The following SEC14L1 variants were observed in gnomAD, a reference collection of about 807,000 sequenced individuals.
SEC14L1 encodes SEC14 like lipid binding 1, also known as SEC14-like protein 1.
Under a neutral mutation model 85.3 loss-of-function variants are expected in SEC14L1, and 48 were observed. The ratio of observed to expected loss-of-function variants is 0.56; its 90% confidence interval spans 0.45 to 0.72. SEC14L1 has a LOEUF of 0.72. Among genes scored for constraint, SEC14L1 ranks in the 30% least tolerant of loss-of-function variants. SEC14L1 has a pLI of 0.00. For synonymous variants in SEC14L1, 391 were observed against 355.5 expected (o/e 1.10, Z -1.12); for missense variants, 682 against 921.4 (o/e 0.74, Z 3.36).
intron 3 of SEC14L1, among the ~76,000 whole-genome samples, chr17:77,150,224 T>C (rs1567895315): frequency 6.6e-6 from 1 of 152,186 alleles, no homozygotes; most frequent in South Asian, 2.1e-4. Context: ...AGAAAGAGAT[T>C]TGCTTTGAGG....
chr17:77,114,009 G>A (rs1298411480), intron 3 of SEC14L1, among the ~76,000 whole-genome samples: 2 of 152,184 alleles, frequency 1.3e-5, no homozygotes, highest in Non-Finnish European at 2.9e-5. Context: ...TGCTCCCCAG[G>A]CACAGCCTTC....
chr17:77,215,671 G>A lies in SEC14L1; in HGVS notation c.*1648G>A. ...ACATTTGTGTTTGCTCTTAGAGATC[G>A]AGCTCCTCAGTGGTACCTGAAGCCT... On this transcript the variant is annotated 3_prime_UTR_variant, in exon 17 of 17. Transcript: ENST00000436233. 1 of 992,094 alleles carries A rather than the reference G, an allele frequency of 1.0e-6. No individual in the cohort carries two copies. The highest frequency in any genetic ancestry group is 1.2e-6 in the Non-Finnish European group (1 of 833,136). The allele number at this position is 992,094 out of a possible 1,614,324, so 61.5% of individuals were successfully genotyped here.
At chr17:77,154,115 A>G (rs577763997) in intron 3 of SEC14L1, among the ~76,000 whole-genome samples, 1 of 152,238 alleles carries the variant, frequency 6.6e-6, no homozygotes, top group African/African-American at 2.4e-5. Flanking sequence ...AACGCATGCA[A>G]CAACTATTTA....
chr17:77,151,401 A>G (rs1973548778), intron 3 of SEC14L1, among the ~76,000 whole-genome samples: 1 of 152,176 alleles, frequency 6.6e-6, no homozygotes, highest in Non-Finnish European at 1.5e-5. Flanking sequence ...CTTTGTACAG[A>G]GCCAGACCTT....
In SEC14L1 at chr17:77,206,447, A is replaced by G; in HGVS notation, c.1341+47A>G. 6.3e-7 allele frequency: 1 copy of G among 1,586,960 alleles called. No individual in the cohort carries two copies. Among genetic ancestry groups the G allele is most frequent in the Non-Finnish European group, 8.6e-7 (1 of 1,160,064 alleles). ...AGTAACTGTGAGCCATTTGGAAAGC[A>G]GATAACATGCATTCATATACACGTG... is the stretch of plus-strand genomic sequence containing the variant. On this transcript the variant is annotated intron_variant, in intron 12 of 16. Transcript: ENST00000436233. The surrounding 1 kb of genome is among the most constrained non-coding windows in gnomAD (Gnocchi z 4.3).
At chr17:77,172,581 C>T (rs966334617) in intron 3 of SEC14L1, among the ~76,000 whole-genome samples, 1 of 152,182 alleles carries the variant, frequency 6.6e-6, no homozygotes, top group South Asian at 2.1e-4. Context: ...GAGCGTCTCT[C>T]AAAAGCTGCT....
At chr17:77,120,904 T>C (rs1008853270) in intron 3 of SEC14L1, among the ~76,000 whole-genome samples, 4 of 152,198 alleles carry the variant, frequency 2.6e-5, no homozygotes, top group Admixed American at 6.6e-5. Flanking sequence ...GACTCGGAAC[T>C]CACTTAGGTG....
Position 77,151,134 on chromosome 17 carries a change from G to A in SEC14L1, c.63+7475G>A, listed in dbSNP as rs142987890. 1.2e-3 allele frequency among the ~76,000 whole-genome samples: 181 copies of A among 152,240 alleles called. 1 individual carries two copies. Among genetic ancestry groups the A allele is most frequent in the African/African-American group, 3.9e-3 (162 of 41,548 alleles). ...AATTTGTTTTTACCCAAACGAATAA[G>A]CAATCTACTTTTTGGGGTAGGTGAC... On this transcript the variant is annotated intron_variant, in intron 3 of 16. Transcript: ENST00000436233.
Position 77,213,382 on chromosome 17 carries a change from C to T in SEC14L1, c.1932C>T (p.Cys644=), listed in dbSNP as rs770428912. Residue 644 remains cysteine (C), a synonymous_variant, in exon 16 of 17, where the codon TGC becomes TGT. Coordinates refer to ENST00000436233, the MANE Select transcript of SEC14L1 (RefSeq NM_001143998.2). The surrounding 1 kb of genome is among the most constrained non-coding windows in gnomAD (Gnocchi z 7.1). ...GGAAATTCCACAGCATGCCTGCGTG[C>T]GCCGCCAGCAGCCTTCCCCGGGTGG... The part of the protein sequence containing the change: ...LQWKFHSMPA[C]AASSLPRVDD... 4.3e-6 allele frequency: 7 copies of T among 1,613,234 alleles called. No homozygotes were observed. The highest frequency in any genetic ancestry group is 2.7e-5 in the African/African-American group (2 of 74,934).
In SEC14L1 at chr17:77,213,623, G is replaced by C; in HGVS notation, c.2042+131G>C. ...GGAATGCTTGGAGGGCCAGGAGGGAGTGGCTTTGGGGTCATTTGTTGGCAC... is the reference window on the plus strand; with the variant it reads ...GGAATGCTTGGAGGGCCAGGAGGGACTGGCTTTGGGGTCATTTGTTGGCAC... On this transcript the variant is annotated intron_variant, in intron 16 of 16. Coordinates refer to ENST00000436233, the MANE Select transcript of SEC14L1 (RefSeq NM_001143998.2). The surrounding 1 kb of genome is among the most constrained non-coding windows in gnomAD (Gnocchi z 7.1). The C allele has an allele frequency of 8.9e-7, 1 of 1,124,394 alleles. No homozygotes were observed. Among genetic ancestry groups the C allele is most frequent in the Non-Finnish European group, 1.3e-6 (1 of 769,506 alleles). The allele number at this position is 1,124,394 out of a possible 1,614,324, so 69.7% of individuals were successfully genotyped here. A position where few individuals can be genotyped will look rare whatever the true frequency, so the allele number is the denominator to read the frequency against.
In SEC14L1 at chr17:77,164,374, A is replaced by G. The variant is rs1382541853; in HGVS notation, c.63+20715A>G. Among the ~76,000 whole-genome samples, 12 of 152,218 alleles carry G rather than the reference A, an allele frequency of 7.9e-5. No individual in the cohort carries two copies. The East Asian group carries it at 1.3e-3, about 17-fold the overall frequency. Reference sequence around the variant, plus strand: ...GAGGGAGGACTGCCCAATTTGGTCAATTAAACTCAATTTTTTGAAAAACCT... The same window carrying G: ...GAGGGAGGACTGCCCAATTTGGTCAGTTAAACTCAATTTTTTGAAAAACCT... On this transcript the variant is annotated intron_variant, in intron 3 of 16. Transcript: ENST00000436233.
rs1454240332 is a variant in SEC14L1 at position 77,215,754 on chromosome 17, G to A, written c.*1731G>A. On this transcript the variant is annotated 3_prime_UTR_variant, in exon 17 of 17. Coordinates refer to ENST00000436233, the MANE Select transcript of SEC14L1 (RefSeq NM_001143998.2). ...TAGGGCTAGTAGGTAGGGTTAGTAG[G>A]TAGGGCTAGTAGGTAGGGCTAGTAG... The A allele has an allele frequency of 1.0e-6, 1 of 986,390 alleles. No individual in the cohort carries two copies. The highest frequency in any genetic ancestry group is 1.2e-6 in the Non-Finnish European group (1 of 831,014). 61.1% of individuals were successfully genotyped at this position (986,390 alleles called of 1,614,324 possible).
At chr17:77,089,309 G>C (rs1215156391) in intron 2 of SEC14L1, 1 of 491,890 alleles carries the variant, frequency 2.0e-6, no homozygotes, top group Non-Finnish European at 4.1e-6. Flanking sequence ...CAGGTCAGAC[G>C]GTCTGGGGAA....
chr17:77,131,671 A>G (rs1203465150), intron 3 of SEC14L1, among the ~76,000 whole-genome samples: 2 of 152,222 alleles, frequency 1.3e-5, no homozygotes, highest in Non-Finnish European at 2.9e-5. Context: ...AAATAAATGA[A>G]TAGAGTGGAG....
intron 8 of SEC14L1, 87 bp from the exon 9 acceptor site, chr17:77,200,397 G>C (rs1976070652): frequency 9.6e-7 from 1 of 1,045,632 alleles, no homozygotes; most frequent in Admixed American, 2.1e-5. Flanking sequence ...TTGAACTCCT[G>C]AGCTCAAGCG....
intron 3 of SEC14L1, among the ~76,000 whole-genome samples, chr17:77,112,747 A>G (rs672048): frequency 0.85 from 129,752 of 151,854 alleles, 55,695 homozygotes; most frequent in African/African-American, 0.94. Flanking sequence ...TATGGTGGGC[A>G]CCTGTAGTCC....
intron 3 of SEC14L1, among the ~76,000 whole-genome samples, chr17:77,182,184 AG>A (rs1045340787): frequency 4.6e-5 from 7 of 152,212 alleles, no homozygotes; most frequent in African/African-American, 1.7e-4. Flanking sequence ...TAGGCTCTTT[AG>A]GTTGAGTTTG....
rs1971681509 is a variant in SEC14L1, at chr17:77,097,802, A to G, written c.-136+4455A>G. On this transcript the variant is annotated intron_variant, in intron 3 of 19. Transcript: ENST00000392476. ...AAAACATACTCCCTCCTCTCAGAGA[A>G]CTTATATCCCAGGATAGGGGAGACT... 2.6e-5 allele frequency among the ~76,000 whole-genome samples: 4 copies of G among 152,162 alleles called. No homozygotes were observed. In the South Asian group the frequency reaches 8.3e-4, roughly 31 times the overall value.
rs370181673 is a variant in SEC14L1, at chr17:77,142,763, G to C, written c.-31+13G>C. 46 of 152,092 alleles carry C rather than the reference G, an allele frequency of 3.0e-4. No homozygotes were observed. The highest frequency in any genetic ancestry group is 2.7e-3 in the Admixed American group (41 of 15,256). The allele number at this position is 152,092 out of a possible 1,614,324, so 9.4% of individuals were successfully genotyped here. A position where few individuals can be genotyped will look rare whatever the true frequency, so the allele number is the denominator to read the frequency against. On this transcript the variant is annotated intron_variant, in intron 2 of 16. Transcript: ENST00000436233. Reference sequence around the variant, plus strand: ...CTCAACAAGACAGGTAGGCTCATTCGATTTTTCTTTCTCACTTTAAATAGG... The same window carrying C: ...CTCAACAAGACAGGTAGGCTCATTCCATTTTTCTTTCTCACTTTAAATAGG...
Sources: gnomAD v4.1 joint callset for allele counts (sites outside exome capture counted in the v4.1 genomes callset) on GRCh38, gnomAD v4.1.1 for gene constraint, Gnocchi (gnomAD v3.1) non-coding constraint, MANE v1.5 for transcripts, NCBI Gene and HGNC (gene_info 2026-07-23, HGNC 2026-07-21) for gene names.